Variants in WWOX observed in about 807,000 individuals in gnomAD.
WWOX encodes WW domain-containing oxidoreductase.
In WWOX, 69 loss-of-function variants were observed where a neutral mutation model predicts 46.2. The ratio of observed to expected loss-of-function variants is 1.49; its 90% CI spans 1.23 to 1.82. The LOEUF (loss-of-function observed/expected upper bound fraction) is 1.82, where lower values mean the gene tolerates loss of function less well. Among genes scored for constraint, WWOX ranks in the 40% most tolerant of loss-of-function variants. The pLI is 0.00. For missense variants in WWOX, 919 were observed against 542.6 expected (o/e 1.69, Z -6.89); for synonymous variants, 359 against 202.6 (o/e 1.77, Z -6.56).
At position 78,530,712 on chromosome 16, in the gene WWOX, T is replaced by C. The variant is rs193221044; in HGVS notation, c.1056+97960T>C. 3.0e-3 allele frequency among the ~76,000 whole-genome samples: 464 copies of C among 152,324 alleles called. 3 individuals are homozygous for C. Among genetic ancestry groups the C allele is most frequent in the African/African-American group, 0.011 (438 of 41,570 alleles). On this transcript the variant is annotated intron_variant, in intron 8 of 8. Coordinates refer to ENST00000566780, the MANE Select transcript of WWOX (RefSeq NM_016373.4). ...GGGCCCTCACCACGGACCTGCCCTC[T>C]TCTGCCCAGAATTTCCCTGCCTCCT... is the stretch of plus-strand genomic sequence containing the variant.
chr16:78,994,495 A>G (rs573905632), intron 8 of WWOX: 2 of 152,236 alleles, frequency 1.3e-5, no homozygotes, highest in Non-Finnish European at 2.9e-5. Context: ...GCACCGAGGT[A>G]CTTATCTGAC....
Position 78,405,262 on chromosome 16 carries a change from G to A in WWOX, c.605+18314G>A, listed in dbSNP as rs375548164. On this transcript the variant is annotated intron_variant, in intron 6 of 8. Coordinates refer to ENST00000566780, the MANE Select transcript of WWOX (RefSeq NM_016373.4). Reference sequence around the variant, plus strand: ...CTGGTGGTCTCCAGGGGACACAGCCGGTGCTGTGCTCCACTCTGGGTAACT... The same window carrying A: ...CTGGTGGTCTCCAGGGGACACAGCCAGTGCTGTGCTCCACTCTGGGTAACT... Among the ~76,000 whole-genome samples the A allele has an allele frequency of 1.1e-4, 16 of 152,188 alleles. No individual in the cohort carries two copies. The South Asian group carries it at 2.7e-3, about 26-fold the overall frequency.
intron 5 of WWOX, among the ~76,000 whole-genome samples, chr16:78,170,855 A>T (rs2035133678): frequency 7.5e-6 from 1 of 133,300 alleles, no homozygotes; most frequent in African/African-American, 2.6e-5. Flanking sequence ...AAAATAAAAG[A>T]TTTATTAGCC....
intron 8 of WWOX, among the ~76,000 whole-genome samples, chr16:78,554,120 C>G (rs376223369): frequency 2.0e-5 from 3 of 152,144 alleles, no homozygotes; most frequent in African/African-American, 7.2e-5. Flanking sequence ...CCCCTTCCCT[C>G]TTATCAGCTT....
chr16:78,623,783 T>A (rs1365239806), intron 8 of WWOX, among the ~76,000 whole-genome samples: 1 of 152,064 alleles, frequency 6.6e-6, no homozygotes, highest in Non-Finnish European at 1.5e-5. Flanking sequence ...CTATTTTTCA[T>A]TATTTTCCAC....
At chr16:78,867,471 A>T (rs2044028973) in intron 8 of WWOX, among the ~76,000 whole-genome samples, 1 of 150,634 alleles carries the variant, frequency 6.6e-6, no homozygotes, top group Admixed American at 6.7e-5. Flanking sequence ...AGACTCAGAG[A>T]AGTTAAATGA....
At chr16:78,399,705 T>C (rs1325848125) in intron 6 of WWOX, among the ~76,000 whole-genome samples, 1 of 152,354 alleles carries the variant, frequency 6.6e-6, no homozygotes, top group South Asian at 2.1e-4. Flanking sequence ...TTTACAATTA[T>C]ATTTCCCAAC....
At chr16:78,486,632 T>A (rs1329697529) in intron 8 of WWOX, among the ~76,000 whole-genome samples, 2 of 151,652 alleles carry the variant, frequency 1.3e-5, no homozygotes, top group Admixed American at 1.3e-4. Flanking sequence ...TGGAGTGTAG[T>A]GGTGTGATCT....
intron 5 of WWOX, among the ~76,000 whole-genome samples, chr16:78,315,759 A>G (rs1198082140): frequency 1.3e-5 from 2 of 152,178 alleles, no homozygotes; most frequent in African/African-American, 2.4e-5. Flanking sequence ...CATCCTTACA[A>G]TGACTCCATG....
intron 8 of WWOX, among the ~76,000 whole-genome samples, chr16:78,987,411 A>G (rs1280510391): frequency 6.6e-6 from 1 of 152,232 alleles, no homozygotes; most frequent in Non-Finnish European, 1.5e-5. Context: ...AAGTTTGTTC[A>G]TGCTGGAGCT....
intron 8 of WWOX, among the ~76,000 whole-genome samples, chr16:78,521,785 T>A (rs918143072): frequency 3.7e-4 from 31 of 83,182 alleles, no homozygotes; most frequent in Non-Finnish European, 6.0e-4. Flanking sequence ...CATAACTTGT[T>A]TTTTTTTTTG....
At chr16:78,632,081 C>T (rs935278704) in intron 8 of WWOX, among the ~76,000 whole-genome samples, 1 of 152,012 alleles carries the variant, frequency 6.6e-6, no homozygotes, top group Non-Finnish European at 1.5e-5. Context: ...AAACTGGAGA[C>T]CAAACTAGCA....
At chr16:78,654,635 C>G (rs954731115) in intron 8 of WWOX, among the ~76,000 whole-genome samples, 2 of 150,924 alleles carry the variant, frequency 1.3e-5, no homozygotes, top group East Asian at 3.9e-4. Flanking sequence ...CTATCTATAC[C>G]TTTCTCTCTC....
chr16:78,266,005 G>A (rs2079354896), intron 5 of WWOX: 1 of 152,166 alleles, frequency 6.6e-6, no homozygotes, highest in South Asian at 2.1e-4. Context: ...GGGTTGCAGA[G>A]CTCTTTCACA....
chr16:78,710,390 C>T lies in WWOX; in HGVS notation c.1056+277638C>T, dbSNP rs549445260. The stretch of plus-strand genomic sequence containing the variant: ...TGCGCACTAACCCTCCAGAGCCTTC[C>T]GCATCTGCTATGCAGCATTGGCCAC... On this transcript the variant is annotated intron_variant, in intron 8 of 8. Coordinates refer to ENST00000566780, the MANE Select transcript of WWOX (RefSeq NM_016373.4). Among the ~76,000 whole-genome samples, 13 of 148,262 alleles carry T rather than the reference C, an allele frequency of 8.8e-5. 1 individual carries two copies. Among genetic ancestry groups the T allele is most frequent in the Admixed American group, 2.7e-4 (4 of 14,638 alleles).
intron 8 of WWOX, among the ~76,000 whole-genome samples, chr16:78,638,936 CA>C (rs1024677245): frequency 3.9e-5 from 6 of 151,990 alleles, no homozygotes; most frequent in African/African-American, 1.5e-4. Flanking sequence ...CAGTGTAAAA[CA>C]AGAGAATGAT....
At chr16:79,166,222 A>T (rs183956322) in intron 8 of WWOX, among the ~76,000 whole-genome samples, 1 of 152,340 alleles carries the variant, frequency 6.6e-6, no homozygotes, top group South Asian at 2.1e-4. Context: ...TTCTGGAGGC[A>T]GAGCACTGAG....
At chr16:78,210,145 A>C (rs928443285) in intron 5 of WWOX, among the ~76,000 whole-genome samples, 2 of 152,212 alleles carry the variant, frequency 1.3e-5, no homozygotes, top group Non-Finnish European at 2.9e-5. Context: ...AAATCATTAC[A>C]AGGGTGATAG....
intron 8 of WWOX, among the ~76,000 whole-genome samples, chr16:78,999,061 C>A (rs901718334): frequency 2.6e-5 from 4 of 152,016 alleles, no homozygotes; most frequent in Admixed American, 1.3e-4. Context: ...TAGAAATATT[C>A]CGGACGTGGA....
Sources: allele counts gnomAD v4.1 joint callset (sites outside exome capture counted in the v4.1 genomes callset), GRCh38; gene constraint gnomAD v4.1.1; transcripts MANE v1.5; gene names NCBI Gene and HGNC (gene_info 2026-07-23, HGNC 2026-07-21).